Variants in VRTN observed in about 807,000 individuals in gnomAD.
The protein encoded by VRTN is vertnin.
VRTN carries 5 observed loss-of-function variants against 18.2 expected under a neutral mutation model. The observed-to-expected ratio is 0.27, with a 90% CI of 0.14 to 0.58. The LOEUF is 0.58. Among genes scored for constraint, VRTN ranks in the 20% least tolerant of loss-of-function variants. The pLI is 0.91. For missense variants in VRTN, 741 were observed against 939.4 expected (o/e 0.79, Z 2.76); for synonymous variants, 381 against 393.7 (o/e 0.97, Z 0.38).
rs547030930 is a variant in VRTN at position 74,357,875 on chromosome 14, C to T, written c.1092C>T (p.Pro364=). Residue 364 remains proline (P), a synonymous_variant, in exon 2 of 2, where the codon CCC becomes CCT. Coordinates refer to ENST00000256362, the MANE Select transcript of VRTN (RefSeq NM_018228.3). The surrounding 1 kb of genome is among the most constrained non-coding windows in gnomAD (Gnocchi z 7.8). Reference sequence around the variant, plus strand: ...GCTCTGGCACCTGCCCGGCCTTGCCCCCCAGGGAGGTGCTGGGCATGGAGG... The same window carrying T: ...GCTCTGGCACCTGCCCGGCCTTGCCTCCCAGGGAGGTGCTGGGCATGGAGG... ...LLGSGTCPAL[P]PREVLGMEEL... The T allele has an allele frequency of 1.9e-6, 3 of 1,613,878 alleles. No homozygotes were observed. Among genetic ancestry groups the T allele is most frequent in the Non-Finnish European group, 2.5e-6 (3 of 1,180,044 alleles).
At chr14:74,303,544 C>T (rs780592134) in intron 1 of VRTN, among the ~76,000 whole-genome samples, 1 of 152,086 alleles carries the variant, frequency 6.6e-6, no homozygotes, top group Middle Eastern at 3.2e-3. Context: ...AAGAGAGACC[C>T]TGTCTCAAAA....
intron 1 of VRTN, 65 bp from the exon 2 acceptor site, chr14:74,356,718 C>T: frequency 2.0e-6 from 3 of 1,509,824 alleles, no homozygotes; most frequent in Non-Finnish European, 2.7e-6. Context: ...GGACAGGGCA[C>T]CTTTGCTAGT....
intron 1 of VRTN, among the ~76,000 whole-genome samples, chr14:74,328,098 A>G (rs1371345276): frequency 2.6e-5 from 4 of 152,132 alleles, no homozygotes; most frequent in South Asian, 4.1e-4. Flanking sequence ...GTGCTGGTTG[A>G]TTCTAATTGG....
Position 74,357,235 on chromosome 14 carries a change from C to A in VRTN, c.452C>A (p.Ala151Asp), listed in dbSNP as rs1449198437. Residue 151 changes from alanine (A) to aspartate (D), a missense_variant, in exon 2 of 2, where the codon GCC becomes GAC. Around this residue, in one of 3 missense-constraint regions of VRTN, gnomAD observed 186 missense variants for 288.3 expected, o/e 0.65. Coordinates refer to ENST00000256362, the MANE Select transcript of VRTN (RefSeq NM_018228.3). The surrounding 1 kb of genome is among the most constrained non-coding windows in gnomAD (Gnocchi z 7.8). ...ESPEMTSLPP[A>D]TLEAIFDADV... ...CCTGAGATGACCAGCTTGCCCCCCG[C>A]CACGCTGGAGGCCATCTTCGATGCC... The A allele has an allele frequency of 1.2e-6, 2 of 1,613,310 alleles. No homozygotes were observed. Among genetic ancestry groups the A allele is most frequent in the Non-Finnish European group, 1.7e-6 (2 of 1,179,836 alleles).
At chr14:74,316,571 A>G (rs925634238) in intron 1 of VRTN, among the ~76,000 whole-genome samples, 1 of 151,856 alleles carries the variant, frequency 6.6e-6, no homozygotes, top group Non-Finnish European at 1.5e-5. Flanking sequence ...AGCCATGCAG[A>G]TTCTGAGGGA....
intron 1 of VRTN, among the ~76,000 whole-genome samples, chr14:74,355,613 C>A (rs950533093): frequency 6.6e-6 from 1 of 152,104 alleles, no homozygotes; most frequent in Non-Finnish European, 1.5e-5. Flanking sequence ...CTACTCAGTG[C>A]GGCCTCCACC....
rs2085762121 is a variant in VRTN, at chr14:74,359,161, T to C, written c.*269T>C. On this transcript the variant is annotated 3_prime_UTR_variant, in exon 2 of 2. Coordinates refer to ENST00000256362, the MANE Select transcript of VRTN (RefSeq NM_018228.3). Reference sequence around the variant, plus strand: ...ATTTTTACTGTTATGATTTAGTTTTTGGTTTTGATTTGAGTGGGTTGGTTG... The same window carrying C: ...ATTTTTACTGTTATGATTTAGTTTTCGGTTTTGATTTGAGTGGGTTGGTTG... 1.7e-6 allele frequency: 1 copy of C among 572,256 alleles called. No individual in the cohort carries two copies. The highest frequency in any genetic ancestry group is 2.6e-6 in the Non-Finnish European group (1 of 381,930). 35.4% of individuals were successfully genotyped at this position (572,256 alleles called of 1,614,324 possible).
intron 1 of VRTN, among the ~76,000 whole-genome samples, chr14:74,307,730 AT>A (rs957415190): frequency 3.3e-5 from 5 of 150,788 alleles, no homozygotes; most frequent in Non-Finnish European, 7.4e-5. Context: ...ATAAGATCCA[AT>A]TTTTTTTTCT....
chr14:74,313,509 A>G (rs1373981054), intron 1 of VRTN, among the ~76,000 whole-genome samples: 1 of 152,200 alleles, frequency 6.6e-6, no homozygotes, highest in Non-Finnish European at 1.5e-5. Flanking sequence ...TAGCTGGTTC[A>G]AAGGACGGTG....
rs1302297854 is a variant in VRTN, at chr14:74,357,669, T to A, written c.886T>A (p.Phe296Ile). Residue 296 changes from phenylalanine to isoleucine, a missense_variant, in exon 2 of 2, where the codon TTC (phenylalanine) becomes ATC (isoleucine). Coordinates refer to ENST00000256362, the MANE Select transcript of VRTN (RefSeq NM_018228.3). This position sits in a 1 kb window ranked among gnomAD's most constrained non-coding sequence, Gnocchi z 7.8. Reference protein sequence around the residue: ...CERYSVTKSTFYRWRRQSQEH... With the variant: ...CERYSVTKSTIYRWRRQSQEH... ...GCGCTACAGCGTCACCAAAAGCACC[T>A]TCTACCGCTGGCGGCGGCAGTCCCA... is the stretch of plus-strand genomic sequence containing the variant. The A allele has an allele frequency of 6.2e-7, 1 of 1,613,786 alleles. No individual in the cohort carries two copies. Among genetic ancestry groups the A allele is most frequent in the South Asian group, 1.1e-5 (1 of 91,070 alleles).
In VRTN at chr14:74,358,552, C is replaced by T. The variant is rs1247385466; in HGVS notation, c.1769C>T (p.Pro590Leu). ...AGGGATGTGACAGCTGTGATGGCCC[C>T]ACCTGTGGGGGCTTCTTCAGAAGAT... ...AGRDVTAVMA[P>L]PVGASSEDVE... The change falls in exon 2 of 2, where the codon CCA becomes CTA. Residue 590 changes from proline (P) to leucine (L), a missense_variant. This residue lies in a region of VRTN where 494 missense variants were observed against 546.5 expected (regional missense o/e 0.90). Coordinates refer to ENST00000256362, the MANE Select transcript of VRTN (RefSeq NM_018228.3). This position sits in a 1 kb window ranked among gnomAD's most constrained non-coding sequence, Gnocchi z 5.4. The T allele has an allele frequency of 1.2e-6, 2 of 1,610,808 alleles. No individual in the cohort carries two copies. Among genetic ancestry groups the T allele is most frequent in the South Asian group, 2.2e-5 (2 of 90,664 alleles).
At position 74,358,176 on chromosome 14, in the gene VRTN, G is replaced by A; in HGVS notation, c.1393G>A (p.Ala465Thr). The change falls in exon 2 of 2, where the codon GCA becomes ACA. Residue 465 changes from alanine to threonine, a missense_variant. Ala to Thr is a moderately conservative substitution (Grantham distance 58). Around this residue, in one of 3 missense-constraint regions of VRTN, gnomAD observed 494 missense variants for 546.5 expected, o/e 0.90. Transcript: ENST00000256362. This position sits in a 1 kb window ranked among gnomAD's most constrained non-coding sequence, Gnocchi z 5.4. ...CTCTGCTGCTGGGACTCCCCAGCTA[G>A]CATCTGTTGGGGAAGGGGCTGTAAT... ...ALSAAGTPQL[A>T]SVGEGAVIPW... 1 of 1,613,988 alleles carries A rather than the reference G, an allele frequency of 6.2e-7. No individual in the cohort carries two copies. Among genetic ancestry groups the A allele is most frequent in the Non-Finnish European group, 8.5e-7 (1 of 1,180,008 alleles).
upstream of VRTN, among the ~76,000 whole-genome samples, chr14:74,344,244 T>TCCAAAAAAAAAAAA (rs760737512): frequency 0.033 from 81 of 2,468 alleles, 2 homozygotes; most frequent in African/African-American, 0.13. Context: ...CTCTGCTTTC[T>TCCAAAAAAAAAAAA]ACAAAAAAAA....
intron 1 of VRTN, among the ~76,000 whole-genome samples, chr14:74,314,910 T>C (rs2085410470): frequency 6.6e-6 from 1 of 152,142 alleles, no homozygotes; most frequent in Non-Finnish European, 1.5e-5. Flanking sequence ...GGTCTTATGG[T>C]CTATTTTCAG....
intron 1 of VRTN, among the ~76,000 whole-genome samples, chr14:74,354,275 A>G (rs1344481510): frequency 1.3e-5 from 2 of 152,148 alleles, no homozygotes; most frequent in Non-Finnish European, 2.9e-5. Context: ...GAGTATTTTG[A>G]TCACTTTTTC....
chr14:74,312,844 G>A (rs1245022712), intron 1 of VRTN, among the ~76,000 whole-genome samples: 1 of 146,846 alleles, frequency 6.8e-6, no homozygotes, highest in South Asian at 2.2e-4. Flanking sequence ...CCAGGTTCAA[G>A]TTATTCTCCT....
chr14:74,309,376 ATCT>A (rs1182623178), intron 1 of VRTN, among the ~76,000 whole-genome samples: 2 of 152,314 alleles, frequency 1.3e-5, no homozygotes, highest in East Asian at 1.9e-4. Context: ...TATTTGCAAA[ATCT>A]TCTAACTGGG....
intron 2 of VRTN, among the ~76,000 whole-genome samples, chr14:74,340,078 G>GGT: frequency 6.6e-6 from 1 of 151,422 alleles, no homozygotes; most frequent in African/African-American, 2.4e-5. Context: ...TGGGAATACA[G>GGT]GTGTGTGCCA....
chr14:74,356,756 C>G (rs373143159), intron 1 of VRTN, 27 bp from the exon 2 acceptor site: 18 of 1,555,206 alleles, frequency 1.2e-5, no homozygotes, highest in Non-Finnish European at 1.6e-5. Context: ...GACCTGACTA[C>G]TGCCCCTTTA....
Sources: gnomAD v4.1 joint callset for allele counts (sites outside exome capture counted in the v4.1 genomes callset) on GRCh38, gnomAD v4.1.1 for gene constraint, gnomAD v4.1.1 regional missense constraint, Gnocchi (gnomAD v3.1) non-coding constraint, MANE v1.5 for transcripts, NCBI Gene and HGNC (gene_info 2026-07-23, HGNC 2026-07-21) for gene names.